PCDHGB4: variants seen among roughly 807,000 people sequenced by gnomAD.
PCDHGB4 encodes protocadherin gamma-B4.
A neutral mutation model predicts 60.5 loss-of-function variants in PCDHGB4; 38 were observed. That is an observed-to-expected ratio of 0.63 (90% CI 0.48 to 0.82). The LOEUF is 0.82. Among genes scored for constraint, PCDHGB4 ranks in the 40% least tolerant of loss-of-function variants. The pLI, the probability that PCDHGB4 is intolerant of heterozygous loss-of-function variation, is 0.00. For synonymous variants in PCDHGB4, 456 were observed against 509.7 expected (o/e 0.89, Z 1.42); for missense variants, 1,109 against 1,209.6 (o/e 0.92, Z 1.23).
Position 141,407,988 on chromosome 5 carries a change from C to T in PCDHGB4, c.2397+17707C>T, listed in dbSNP as rs923527525. 1.3e-4 allele frequency: 104 copies of T among 827,076 alleles called. 1 individual carries two copies. The highest frequency in any genetic ancestry group is 3.7e-4 in the Middle Eastern group (1 of 2,684). 51.2% of individuals were successfully genotyped at this position (827,076 alleles called of 1,614,324 possible). ...GCGCTGACGCCGGGGATCCGTCAGC[C>T]TCTGGCCTGGGATTCCCTGCGCAGC... On this transcript the variant is annotated intron_variant, in intron 1 of 3. Transcript: ENST00000519479.
intron 3 of PCDHGB4, among the ~76,000 whole-genome samples, chr5:141,509,419 T>C (rs2154594533): frequency 6.6e-6 from 1 of 152,216 alleles, no homozygotes; most frequent in South Asian, 2.1e-4. Flanking sequence ...CGAGCCCCAA[T>C]GAGTCAAACT....
At chr5:141,484,478 A>G (rs2099596967) in intron 1 of PCDHGB4, among the ~76,000 whole-genome samples, 1 of 152,244 alleles carries the variant, frequency 6.6e-6, no homozygotes, top group Admixed American at 6.5e-5. Context: ...CTTTTCTGCA[A>G]AGAGATGGAT....
Position 141,489,712 on chromosome 5 carries a change from C to T in PCDHGB4, c.2398-5095C>T. On this transcript the variant is annotated intron_variant, in intron 1 of 3. Coordinates refer to ENST00000519479, the MANE Select transcript of PCDHGB4 (RefSeq NM_003736.4). The surrounding 1 kb of genome is among the most constrained non-coding windows in gnomAD (Gnocchi z 4.5). The stretch of plus-strand genomic sequence containing the variant: ...GGCACGATTCCCACTGGACAGTGCC[C>T]AGGATCCGGATGTGGGCACCAATAC... The T allele has an allele frequency of 6.2e-7, 1 of 1,614,162 alleles. No individual in the cohort carries two copies. The highest frequency in any genetic ancestry group is 1.1e-5 in the South Asian group (1 of 91,078).
At chr5:141,484,359 T>A (rs1218120598) in intron 1 of PCDHGB4, among the ~76,000 whole-genome samples, 1 of 152,222 alleles carries the variant, frequency 6.6e-6, no homozygotes, top group Non-Finnish European at 1.5e-5. Context: ...GTGTATCTAG[T>A]GTATCACTAG....
chr5:141,511,276 T>C lies in PCDHGB4; in HGVS notation c.*103T>C. On this transcript the variant is annotated 3_prime_UTR_variant, in exon 4 of 4. Coordinates refer to ENST00000519479, the MANE Select transcript of PCDHGB4 (RefSeq NM_003736.4). ...AGAGTTTCAGGGCTAACCCCCAGAA[T>C]ACTGGTAGGGGCCAAGGCCATGCTC... 6.5e-7 allele frequency: 1 copy of C among 1,538,084 alleles called. No homozygotes were observed. Among genetic ancestry groups the C allele is most frequent in the Non-Finnish European group, 8.8e-7 (1 of 1,140,720 alleles).
chr5:141,490,576 G>T lies in PCDHGB4; in HGVS notation c.2398-4231G>T. On this transcript the variant is annotated intron_variant, in intron 1 of 3. Transcript: ENST00000519479. The surrounding 1 kb of genome is among the most constrained non-coding windows in gnomAD (Gnocchi z 5.4). ...TCTCACCATCAGGCTCAACATTTCA[G>T]ATGTCAATGACAATGCACCCCGCTT... 2.5e-6 allele frequency: 4 copies of T among 1,614,134 alleles called. No homozygotes were observed. The highest frequency in any genetic ancestry group is 3.4e-6 in the Non-Finnish European group (4 of 1,180,030).
chr5:141,509,787 TCTC>T (rs2099878266), intron 3 of PCDHGB4, among the ~76,000 whole-genome samples: 1 of 152,132 alleles, frequency 6.6e-6, no homozygotes, highest in Non-Finnish European at 1.5e-5. Context: ...GAGATCATCA[TCTC>T]CTCAGCTTCA....
chr5:141,423,539 T>C (rs747825176), intron 1 of PCDHGB4: 10 of 1,613,140 alleles, frequency 6.2e-6, no homozygotes, highest in Non-Finnish European at 8.5e-6. Flanking sequence ...CACCTGATTT[T>C]CCCCCAGCCC....
chr5:141,494,115 GC>G (rs1445167222), intron 1 of PCDHGB4, among the ~76,000 whole-genome samples: 1 of 152,186 alleles, frequency 6.6e-6, no homozygotes, highest in African/African-American at 2.4e-5. Context: ...AGACAGAGCA[GC>G]CTTGTTCTCT....
In PCDHGB4 at chr5:141,420,134, G is replaced by A. The variant is rs769225630; in HGVS notation, c.2397+29853G>A. The A allele has an allele frequency of 1.1e-5, 18 of 1,613,952 alleles. No homozygotes were observed. Among genetic ancestry groups the A allele is most frequent in the Non-Finnish European group, 1.4e-5 (17 of 1,179,876 alleles). Reference sequence around the variant, plus strand: ...TGCCTATAATTTTTGTGTGCCTGGGGATCAAATGAATCCAGAATTTAATTT... The same window carrying A: ...TGCCTATAATTTTTGTGTGCCTGGGAATCAAATGAATCCAGAATTTAATTT... On this transcript the variant is annotated intron_variant, in intron 1 of 3. Coordinates refer to ENST00000519479, the MANE Select transcript of PCDHGB4 (RefSeq NM_003736.4).
At chr5:141,413,117 C>T (rs902301902) in intron 1 of PCDHGB4, 42 of 1,509,002 alleles carry the variant, frequency 2.8e-5, no homozygotes, top group Non-Finnish European at 3.6e-5. Flanking sequence ...ACAAAGGAAC[C>T]GGTTGAAACA....
intron 1 of PCDHGB4, chr5:141,419,543 G>A (rs573594140): frequency 2.5e-5 from 40 of 1,612,106 alleles, no homozygotes; most frequent in African/African-American, 2.0e-4. Context: ...CGCACCGCGG[G>A]TGCTGTACCC....
chr5:141,487,135 A>G lies in PCDHGB4; in HGVS notation c.2398-7672A>G. 6.2e-7 allele frequency: 1 copy of G among 1,613,544 alleles called. No individual in the cohort carries two copies. The highest frequency in any genetic ancestry group is 8.5e-7 in the Non-Finnish European group (1 of 1,179,856). ...TGGTAAAGGATAGTGGTAGTCCACC[A>G]CTCTCTACCTCTGTTACTCTCTTAG... On this transcript the variant is annotated intron_variant, in intron 1 of 3. Transcript: ENST00000519479. The surrounding 1 kb of genome is among the most constrained non-coding windows in gnomAD (Gnocchi z 5.0).
At chr5:141,421,461 G>C (rs1216014695) in intron 1 of PCDHGB4, 2 of 1,614,034 alleles carry the variant, frequency 1.2e-6, no homozygotes, top group Non-Finnish European at 8.5e-7. Context: ...TTTTCGCTGT[G>C]AATCCGCGAA....
At chr5:141,414,312 C>T in intron 1 of PCDHGB4, 1 of 1,613,724 alleles carries the variant, frequency 6.2e-7, no homozygotes, top group South Asian at 1.1e-5. Context: ...ATGATTTAGA[C>T]TCTGAGCAGA....
chr5:141,389,222 C>T lies in PCDHGB4; in HGVS notation c.1338C>T (p.Asn446=), dbSNP rs765730840. The change falls in exon 1 of 4, where the codon AAC becomes AAT. Residue 446 remains asparagine, a synonymous_variant. Transcript: ENST00000519479. ...ITLHIGDVND[N]APVFSQSSYI... ...TGCACATTGGTGATGTAAATGACAA[C>T]GCTCCGGTTTTCTCACAGTCTTCCT... 1 of 1,614,072 alleles carries T rather than the reference C, an allele frequency of 6.2e-7. No homozygotes were observed. The highest frequency in any genetic ancestry group is 8.5e-7 in the Non-Finnish European group (1 of 1,179,904).
At chr5:141,421,316 G>A in intron 1 of PCDHGB4, 1 of 1,613,866 alleles carries the variant, frequency 6.2e-7, no homozygotes, top group Non-Finnish European at 8.5e-7. Flanking sequence ...TTCCGGGCCA[G>A]GCAGATCCGA....
chr5:141,492,332 G>A (rs2099739439), intron 1 of PCDHGB4, among the ~76,000 whole-genome samples: 1 of 152,204 alleles, frequency 6.6e-6, no homozygotes. Flanking sequence ...GGGCTTACGC[G>A]AATACCAGCT....
chr5:141,436,555 G>A (rs562422182), intron 1 of PCDHGB4, among the ~76,000 whole-genome samples: 1 of 152,252 alleles, frequency 6.6e-6, no homozygotes, highest in South Asian at 2.1e-4. Flanking sequence ...TTGAGCTTCA[G>A]CAAAGTAGGA....
Sources: allele counts gnomAD v4.1 joint callset (sites outside exome capture counted in the v4.1 genomes callset), GRCh38; gene constraint gnomAD v4.1.1; non-coding constraint Gnocchi (gnomAD v3.1); transcripts MANE v1.5; gene names NCBI Gene and HGNC (gene_info 2026-07-23, HGNC 2026-07-21).